Variants in GIT1 observed in about 807,000 individuals in gnomAD.
GIT1 encodes ARF GTPase-activating protein GIT1.
In GIT1, 14 loss-of-function variants were observed where a neutral mutation model predicts 91.7. That is an observed-to-expected ratio of 0.15 (90% CI 0.10 to 0.24). GIT1 has a LOEUF of 0.24. GIT1 is among the 10% of genes least tolerant of loss of function. The pLI is 1.00. For missense variants in GIT1, 717 were observed against 1,024.9 expected (o/e 0.70, Z 4.10); for synonymous variants, 414 against 418.2 (o/e 0.99, Z 0.12).
chr17:29,580,457 G>A (rs886754604), intron 7 of GIT1, among the ~76,000 whole-genome samples: 2 of 152,210 alleles, frequency 1.3e-5, no homozygotes, highest in Non-Finnish European at 2.9e-5. Context: ...GGCACAGCCT[G>A]GCATGAGGAC....
chr17:29,589,489 G>T lies in GIT1; in HGVS notation c.-111C>A. 1 of 309,472 alleles carries T rather than the reference G, an allele frequency of 3.2e-6. No individual in the cohort carries two copies. Among genetic ancestry groups the T allele is most frequent in the Non-Finnish European group, 4.7e-6 (1 of 214,726 alleles). The allele number at this position is 309,472 out of a possible 1,614,324, so 19.2% of individuals were successfully genotyped here. A position where few individuals can be genotyped will look rare whatever the true frequency, so the allele number is the denominator to read the frequency against. Reference sequence around the variant, plus strand: ...CCCGGCCCGGCTCCGGCGAGGCCCCGGCGAGGCTCCGCGCGCCCGGCCAAC... The same window carrying T: ...CCCGGCCCGGCTCCGGCGAGGCCCCTGCGAGGCTCCGCGCGCCCGGCCAAC... On this transcript the variant is annotated 5_prime_UTR_variant, in exon 1 of 20. Coordinates refer to ENST00000225394, the MANE Select transcript of GIT1 (RefSeq NM_014030.4). The surrounding 1 kb of genome is among the most constrained non-coding windows in gnomAD (Gnocchi z 5.2).
chr17:29,573,820 C>T lies in GIT1; in HGVS notation c.*882G>A, dbSNP rs2150815670. 1 of 152,480 alleles carries T rather than the reference C, an allele frequency of 6.6e-6. No homozygotes were observed. The highest frequency in any genetic ancestry group is 6.5e-5 in the Admixed American group (1 of 15,308). The allele number at this position is 152,480 out of a possible 1,614,324, so 9.4% of individuals were successfully genotyped here. A position where few individuals can be genotyped will look rare whatever the true frequency, so the allele number is the denominator to read the frequency against. Reference sequence around the variant, plus strand: ...CCCTAGCCAGCACACATTCCCCCTCCACGCAGGAGCAGGAGGAGATGGAGG... The same window carrying T: ...CCCTAGCCAGCACACATTCCCCCTCTACGCAGGAGCAGGAGGAGATGGAGG... On this transcript the variant is annotated 3_prime_UTR_variant, in exon 20 of 20. Coordinates refer to ENST00000225394, the MANE Select transcript of GIT1 (RefSeq NM_014030.4).
Position 29,581,007 on chromosome 17 carries a change from G to A in GIT1, c.761+331C>T, listed in dbSNP as rs180705557. The A allele has an allele frequency of 1.5e-5, 5 of 327,236 alleles. No homozygotes were observed. In the East Asian group the frequency reaches 2.4e-4, roughly 16 times the overall value. The allele number at this position is 327,236 out of a possible 1,614,324, so 20.3% of individuals were successfully genotyped here. ...TTGGCCAGGCTAGTCTTGAACTCCC[G>A]ACCTCAGGTGATCCGCCCGCCTCGG... is the stretch of plus-strand genomic sequence containing the variant. On this transcript the variant is annotated intron_variant, in intron 7 of 19. Coordinates refer to ENST00000225394, the MANE Select transcript of GIT1 (RefSeq NM_014030.4). The surrounding 1 kb of genome is among the most constrained non-coding windows in gnomAD (Gnocchi z 4.8).
chr17:29,589,191 C>CG lies in GIT1; in HGVS notation c.52+135dup, dbSNP rs1254276164. 1 of 237,850 alleles carries CG rather than the reference C, an allele frequency of 4.2e-6. No homozygotes were observed. The highest frequency in any genetic ancestry group is 1.8e-4 in the East Asian group (1 of 5,644). 14.7% of individuals were successfully genotyped at this position (237,850 alleles called of 1,614,324 possible). ...GGGCGCAGCTCCGCAGTGGCCGAGG[C>CG]GGGGGCCCAGCCTGGAGGCCGCAGC... On this transcript the variant is annotated intron_variant, in intron 1 of 19. Coordinates refer to ENST00000225394, the MANE Select transcript of GIT1 (RefSeq NM_014030.4). The surrounding 1 kb of genome is among the most constrained non-coding windows in gnomAD (Gnocchi z 5.2).
At chr17:29,578,627 T>C in intron 8 of GIT1, 104 bp downstream of exon 8, 3 of 1,096,888 alleles carry the variant, frequency 2.7e-6, no homozygotes, top group Non-Finnish European at 2.8e-6. Context: ...GGTCAAAGAC[T>C]TGGAAAAGGT....
At chr17:29,585,681 C>T (rs571763747) in intron 1 of GIT1, among the ~76,000 whole-genome samples, 7 of 152,286 alleles carry the variant, frequency 4.6e-5, no homozygotes, top group African/African-American at 7.2e-5. Context: ...ACAGATGGGA[C>T]GCCCACCCTA....
chr17:29,578,588 A>G (rs1283011277), intron 8 of GIT1, 143 bp downstream of exon 8: 1 of 869,520 alleles, frequency 1.2e-6, no homozygotes, highest in Non-Finnish European at 2.0e-6. Flanking sequence ...GGTCAGGGAG[A>G]GGGGACTGCT....
At chr17:29,578,710 G>C in intron 8 of GIT1, 21 bp downstream of exon 8, 1 of 1,607,392 alleles carries the variant, frequency 6.2e-7, no homozygotes, top group Non-Finnish European at 8.5e-7. Context: ...AAGTGTCAGG[G>C]CACTGTTGGA....
At position 29,581,354 on chromosome 17, in the gene GIT1, G is replaced by A; in HGVS notation, c.745C>T (p.Pro249Ser). The change falls in exon 7 of 20, where the codon CCA becomes TCA. Residue 249 changes from proline (P) to serine (S), a missense_variant. Transcript: ENST00000225394. The surrounding 1 kb of genome is among the most constrained non-coding windows in gnomAD (Gnocchi z 4.8). ...GGCACTCACCTGTCAGCCATCTGTG[G>A]GATGATGTAATGCCCATTCTTGTGA... ...PDHKNGHYII[P>S]QMADSLDLSE... 1 of 1,612,634 alleles carries A rather than the reference G, an allele frequency of 6.2e-7. No homozygotes were observed. The highest frequency in any genetic ancestry group is 1.1e-5 in the South Asian group (1 of 91,056).
chr17:29,579,244 G>A, intron 7 of GIT1: 1 of 538,080 alleles, frequency 1.9e-6, no homozygotes, highest in East Asian at 3.0e-5. Context: ...TCACCCTCCA[G>A]TCCTAGTGAA....
chr17:29,585,820 G>A (rs144013124), intron 1 of GIT1, among the ~76,000 whole-genome samples: 2 of 152,304 alleles, frequency 1.3e-5, no homozygotes, highest in Non-Finnish European at 1.5e-5. Context: ...GAACTGTAAG[G>A]GAACTCGTCA....
Position 29,575,510 on chromosome 17 carries a change from T to A in GIT1, c.1827-40A>T. On this transcript the variant is annotated intron_variant, in intron 17 of 19. Transcript: ENST00000225394. This position sits in a 1 kb window ranked among gnomAD's most constrained non-coding sequence, Gnocchi z 5.5. The stretch of plus-strand genomic sequence containing the variant: ...CAGAAAACAGAGACAAAGATACATA[T>A]AGAGAAAGACACGTTCCAGCCTCGG... 1 of 1,581,044 alleles carries A rather than the reference T, an allele frequency of 6.3e-7. No individual in the cohort carries two copies.
chr17:29,576,471 C>T lies in GIT1; in HGVS notation c.1381-21G>A, dbSNP rs372035273. On this transcript the variant is annotated intron_variant, in intron 13 of 19. Coordinates refer to ENST00000225394, the MANE Select transcript of GIT1 (RefSeq NM_014030.4). ...TGGATCTATGGGTGCAAAGTGCTGTCAACCCCCTGGAGTCCTGGGGCTCCC... is the reference window on the plus strand; with the variant it reads ...TGGATCTATGGGTGCAAAGTGCTGTTAACCCCCTGGAGTCCTGGGGCTCCC... 702 of 1,612,878 alleles carry T rather than the reference C, an allele frequency of 4.4e-4. 2 individuals are homozygous for T. The highest frequency in any genetic ancestry group is 5.7e-4 in the Non-Finnish European group (674 of 1,179,520).
Position 29,576,992 on chromosome 17 carries a change from G to A in GIT1, c.1098C>T (p.Asn366=). 6.2e-7 allele frequency: 1 copy of A among 1,603,464 alleles called. No individual in the cohort carries two copies. Among genetic ancestry groups the A allele is most frequent in the South Asian group, 1.1e-5 (1 of 91,076 alleles). Residue 366 remains asparagine, a synonymous_variant, in exon 12 of 20, where the codon AAC becomes AAT. Coordinates refer to ENST00000225394, the MANE Select transcript of GIT1 (RefSeq NM_014030.4). ...TCTGGCTCCGCAGAGACAGCTCGAG[G>A]TTGTCTGAGGACACAGGAGTGTCAC... ...QGKSLSSPTD[N]LELSLRSQSD...
At chr17:29,586,465 T>C (rs2033596997) in intron 1 of GIT1, among the ~76,000 whole-genome samples, 1 of 152,116 alleles carries the variant, frequency 6.6e-6, no homozygotes, top group Non-Finnish European at 1.5e-5. Flanking sequence ...AGAGCAGTAG[T>C]TACATGGGTA....
chr17:29,577,364 T>C (rs1220212936), intron 10 of GIT1, 117 bp from the exon 11 acceptor site: 13 of 824,158 alleles, frequency 1.6e-5, no homozygotes, highest in South Asian at 3.2e-5. Context: ...AGCTAAAGCG[T>C]CCCAGCCTAG....
chr17:29,577,269 G>C (rs376762023), intron 10 of GIT1, 22 bp from the exon 11 acceptor site: 1 of 1,599,546 alleles, frequency 6.3e-7, no homozygotes, highest in Admixed American at 1.7e-5. Flanking sequence ...AAAGGGCCAG[G>C]CTGGCTTCAG....
Position 29,575,031 on chromosome 17 carries a change from C to G in GIT1, c.2073+48G>C. ...ATCAGATGGGATTCTCCACGCCTGC[C>G]CCAGCTCGAGGCCCTCCCACTCCTG... On this transcript the variant is annotated intron_variant, in intron 19 of 19. Transcript: ENST00000225394. This position sits in a 1 kb window ranked among gnomAD's most constrained non-coding sequence, Gnocchi z 5.5. The G allele has an allele frequency of 6.6e-7, 1 of 1,508,358 alleles. No individual in the cohort carries two copies. The highest frequency in any genetic ancestry group is 9.1e-7 in the Non-Finnish European group (1 of 1,103,942). The allele number at this position is 1,508,358 out of a possible 1,614,324, so 93.4% of individuals were successfully genotyped here.
chr17:29,578,377 G>A lies in GIT1; in HGVS notation c.811-6C>T. On this transcript the variant is annotated splice_region_variant and splice_polypyrimidine_tract_variant and intron_variant, in intron 8 of 19. Transcript: ENST00000225394. ...TCAAAAAGCCGGTTGCTGAGCTGGA[G>A]GAAGAGAGGGGCCCAGATGTTGTCA... 2.5e-6 allele frequency: 4 copies of A among 1,613,824 alleles called. No individual in the cohort carries two copies. The highest frequency in any genetic ancestry group is 3.4e-6 in the Non-Finnish European group (4 of 1,179,694).
Sources: gnomAD v4.1 joint callset for allele counts (sites outside exome capture counted in the v4.1 genomes callset) on GRCh38, gnomAD v4.1.1 for gene constraint, Gnocchi (gnomAD v3.1) non-coding constraint, MANE v1.5 for transcripts, NCBI Gene and HGNC (gene_info 2026-07-23, HGNC 2026-07-21) for gene names.